The following BTNL8 variants were observed in gnomAD, a reference collection of about 807,000 sequenced individuals.
BTNL8 encodes the protein butyrophilin-like protein 8.
Under a neutral mutation model 36.1 loss-of-function variants are expected in BTNL8, and 22 were observed. The observed-to-expected ratio is 0.61, with a 90% CI of 0.44 to 0.87. The LOEUF is 0.87. Among genes scored for constraint, BTNL8 ranks in the 40% least tolerant of loss-of-function variants. BTNL8 has a pLI of 0.00. For missense variants in BTNL8, 526 were observed against 616.9 expected, an observed-to-expected ratio of 0.85 and a Z score of 1.56; for synonymous variants, 203 against 235.6, an observed-to-expected ratio of 0.86 and a Z score of 1.27.
intron 3 of BTNL8, among the ~76,000 whole-genome samples, chr5:180,930,572 G>A (rs925423993): frequency 1.3e-5 from 2 of 152,148 alleles, no homozygotes; most frequent in Non-Finnish European, 2.9e-5. Flanking sequence ...CGGTGTCTCA[G>A]CCCCAAATCT....
chr5:180,927,852 G>A (rs568019212), intron 3 of BTNL8, among the ~76,000 whole-genome samples: 5 of 152,240 alleles, frequency 3.3e-5, no homozygotes, highest in East Asian at 1.9e-4. Context: ...CCAAACCTAC[G>A]TTTGATTGCT....
Position 180,910,255 on chromosome 5 carries a change from A to AC in BTNL8, c.398-1084_398-1083insC, listed in dbSNP as rs199632616. Among the ~76,000 whole-genome samples, 515 of 152,188 alleles carry AC rather than the reference A, an allele frequency of 3.4e-3. 3 individuals are homozygous for AC. Among genetic ancestry groups the AC allele is most frequent in the African/African-American group, 0.012 (491 of 41,528 alleles). ...GACCAGGTGAAAGCAAAAAGAAAAA[A>AC]AAAAAGAGGAAATAAACTATAAACA... On this transcript the variant is annotated intron_variant, in intron 2 of 7. Coordinates refer to ENST00000340184, the MANE Select transcript of BTNL8 (RefSeq NM_001040462.3).
chr5:180,899,496 A>G, intron 1 of BTNL8, 137 bp downstream of exon 1: 1 of 989,096 alleles, frequency 1.0e-6, no homozygotes, highest in Non-Finnish European at 1.6e-6. Flanking sequence ...CTGGGGAAGG[A>G]TCAGGCGCTG....
intron 1 of BTNL8, among the ~76,000 whole-genome samples, chr5:180,904,502 T>C (rs1213859454): frequency 1.6e-5 from 2 of 125,068 alleles, no homozygotes; most frequent in Non-Finnish European, 3.3e-5. Flanking sequence ...CTTTTCCTAA[T>C]TGAATACCCT....
chr5:180,902,760 T>G (rs2113761254), intron 1 of BTNL8, among the ~76,000 whole-genome samples: 1 of 143,936 alleles, frequency 6.9e-6, no homozygotes, highest in South Asian at 2.2e-4. Context: ...CACCTATGAG[T>G]GAGAATATGC....
chr5:180,921,998 A>G (rs1164949410), intron 3 of BTNL8, among the ~76,000 whole-genome samples: 1 of 152,086 alleles, frequency 6.6e-6, no homozygotes, highest in Admixed American at 6.5e-5. Context: ...TGTTCATAAT[A>G]GTCTCTGATA....
At chr5:180,942,875 G>A (rs1318393819) in intron 3 of BTNL8, among the ~76,000 whole-genome samples, 1 of 152,056 alleles carries the variant, frequency 6.6e-6, no homozygotes, top group East Asian at 1.9e-4. Flanking sequence ...CATTGGACTG[G>A]GCAATAATTT....
At chr5:180,945,507 TAAC>T (rs1438454169) in intron 3 of BTNL8, among the ~76,000 whole-genome samples, 6 of 152,124 alleles carry the variant, frequency 3.9e-5, no homozygotes, top group Non-Finnish European at 8.8e-5. Context: ...AGAAAACAGT[TAAC>T]AAGGTGAAGG....
intron 3 of BTNL8, among the ~76,000 whole-genome samples, chr5:180,945,543 A>G (rs1759192216): frequency 6.6e-6 from 1 of 152,256 alleles, no homozygotes. Flanking sequence ...GTGAGAGAAA[A>G]TATTTGCAAA....
chr5:180,925,886 C>A (rs914443846), intron 3 of BTNL8, among the ~76,000 whole-genome samples: 2 of 152,104 alleles, frequency 1.3e-5, no homozygotes, highest in South Asian at 4.1e-4. Context: ...ATTTTGACAT[C>A]AAAATCATAA....
intron 1 of BTNL8, among the ~76,000 whole-genome samples, chr5:180,907,017 C>T (rs1362519229): frequency 3.1e-5 from 3 of 96,960 alleles, no homozygotes; most frequent in Admixed American, 1.0e-4. Context: ...TTGCTCTTCT[C>T]GAGGAGTATC....
At chr5:180,914,203 A>C (rs560880909) in intron 3 of BTNL8, among the ~76,000 whole-genome samples, 5 of 152,320 alleles carry the variant, frequency 3.3e-5, no homozygotes, top group African/African-American at 1.2e-4. Flanking sequence ...TGAATGGGTT[A>C]GTGCCTTATA....
At position 180,949,609 on chromosome 5, in the gene BTNL8, TG is replaced by T; in HGVS notation, c.863-291del. On this transcript the variant is annotated intron_variant, in intron 7 of 7. Transcript: ENST00000340184. ...TTCTGAGTGGGAGGAAGTTAGATAG[TG>T]GGGTCCCTCCAGCTCTTATGAATCA... 3.8e-6 allele frequency: 2 copies of T among 527,106 alleles called. 1 individual carries two copies. Among genetic ancestry groups the T allele is most frequent in the East Asian group, 6.8e-5 (2 of 29,362 alleles). 32.7% of individuals were successfully genotyped at this position (527,106 alleles called of 1,614,324 possible).
intron 1 of BTNL8, chr5:180,902,290 A>G (rs527572889): frequency 6.8e-7 from 1 of 1,472,050 alleles, no homozygotes; most frequent in Non-Finnish European, 9.3e-7. Flanking sequence ...TTTCCTCTGG[A>G]TAACATGGTT....
intron 3 of BTNL8, among the ~76,000 whole-genome samples, chr5:180,927,380 G>A (rs1046724389): frequency 1.3e-5 from 2 of 152,176 alleles, no homozygotes; most frequent in Non-Finnish European, 1.5e-5. Flanking sequence ...GGAAAAACCA[G>A]TGCAAAAAGG....
intron 3 of BTNL8, among the ~76,000 whole-genome samples, chr5:180,914,179 G>A (rs886236123): frequency 1.9e-4 from 29 of 152,150 alleles, no homozygotes; most frequent in Admixed American, 1.6e-3. Context: ...TAAGTCCTGA[G>A]GACTATGCCC....
rs1758168147 is a variant in BTNL8 at position 180,927,707 on chromosome 5, C to T, written c.673+16093C>T. ...CATACACAAGTATCAACAGCCAAATCGATCAAGTGGAAGACAATGATATCA... is the reference window on the plus strand; with the variant it reads ...CATACACAAGTATCAACAGCCAAATTGATCAAGTGGAAGACAATGATATCA... On this transcript the variant is annotated intron_variant, in intron 3 of 7. Transcript: ENST00000340184. 2.0e-5 allele frequency among the ~76,000 whole-genome samples: 3 copies of T among 151,986 alleles called. No homozygotes were observed. The South Asian group carries it at 6.2e-4, about 32-fold the overall frequency.
chr5:180,930,205 T>C (rs1227092405), intron 3 of BTNL8, among the ~76,000 whole-genome samples: 3 of 151,868 alleles, frequency 2.0e-5, no homozygotes, highest in African/African-American at 4.8e-5. Context: ...ACAGAACCAA[T>C]GACAAAAACA....
intron 2 of BTNL8, chr5:180,909,741 AAGAAGG>A: frequency 1.1e-5 from 3 of 273,620 alleles, no homozygotes; most frequent in South Asian, 1.4e-4. Flanking sequence ...AAGAAGATGA[AAGAAGG>A]AAAAAACAGA....
Sources: gnomAD v4.1 joint callset for allele counts (sites outside exome capture counted in the v4.1 genomes callset) on GRCh38, gnomAD v4.1.1 for gene constraint, MANE v1.5 for transcripts, NCBI Gene and HGNC (gene_info 2026-07-23, HGNC 2026-07-21) for gene names.